The following RPS6KC1 variants were observed in gnomAD, a reference collection of about 807,000 sequenced individuals.
RPS6KC1 encodes the protein inactive ribosomal protein S6 kinase delta-1.
A neutral mutation model predicts 103.8 loss-of-function variants in RPS6KC1; 54 were observed. That is an observed-to-expected ratio of 0.52 (90% CI 0.42 to 0.65). The LOEUF (loss-of-function observed/expected upper bound fraction) is 0.65, where lower values mean the gene tolerates loss of function less well. Ranked by LOEUF, RPS6KC1 falls within the 30% of genes least tolerant of loss-of-function variation. The probability of loss-of-function intolerance (pLI) is 0.00; values close to 1 mark genes in which losing one functional copy is unlikely to be tolerated. For missense variants in RPS6KC1, 1,151 were observed against 1,253.8 expected, an observed-to-expected ratio of 0.92 and a Z score of 1.24; for synonymous variants, 439 against 438.7, an observed-to-expected ratio of 1.00 and a Z score of -0.01.
chr1:213,824,875 T>A, the RPS6KC1 span, among the ~76,000 whole-genome samples: 2 of 152,204 alleles, frequency 1.3e-5, no homozygotes, highest in Non-Finnish European at 2.9e-5. Flanking sequence ...AACTAATACA[T>A]GCATTGATGC....
the RPS6KC1 span, among the ~76,000 whole-genome samples, chr1:213,771,321 G>A: frequency 6.6e-6 from 1 of 152,164 alleles, no homozygotes; most frequent in Non-Finnish European, 1.5e-5. Context: ...AAAGAGGGGA[G>A]GGGGTGGTTA....
chr1:213,550,959 T>C, the RPS6KC1 span, among the ~76,000 whole-genome samples: 1 of 152,200 alleles, frequency 6.6e-6, no homozygotes, highest in Non-Finnish European at 1.5e-5. Flanking sequence ...GAGCTCTGCC[T>C]AAGTGCACCA....
chr1:213,332,836 A>G, the RPS6KC1 span, among the ~76,000 whole-genome samples: 8 of 152,196 alleles, frequency 5.3e-5, no homozygotes, highest in Non-Finnish European at 1.0e-4. Context: ...ACTGATGCAT[A>G]ACAGTTGACA....
the RPS6KC1 span, among the ~76,000 whole-genome samples, chr1:213,815,731 C>A: frequency 8.1e-4 from 123 of 152,326 alleles, no homozygotes; most frequent in African/African-American, 2.8e-3. Context: ...TAGCAAAAGG[C>A]TGTTTTGCTT....
chr1:213,265,305 T>C (rs1206775358), intron 14 of RPS6KC1, among the ~76,000 whole-genome samples: 1 of 152,178 alleles, frequency 6.6e-6, no homozygotes. Context: ...CTTGCAGATA[T>C]ATAGAGGAGT....
At chr1:213,599,640 G>A in the RPS6KC1 span, among the ~76,000 whole-genome samples, 6 of 152,138 alleles carry the variant, frequency 3.9e-5, no homozygotes, top group African/African-American at 7.2e-5. Context: ...CTTCAATCAC[G>A]GGAAAATCTG....
At chr1:213,198,793 C>T (rs2093047156) in intron 8 of RPS6KC1, among the ~76,000 whole-genome samples, 1 of 152,008 alleles carries the variant, frequency 6.6e-6, no homozygotes, top group African/African-American at 2.4e-5. Context: ...TATCTGCAAT[C>T]TCTTCTAGAA....
chr1:213,719,836 G>A, the RPS6KC1 span, among the ~76,000 whole-genome samples: 50 of 152,290 alleles, frequency 3.3e-4, 1 homozygote, highest in East Asian at 9.6e-3. Flanking sequence ...TTGGTGATAG[G>A]GAGGAGAGGG....
chr1:213,463,958 T>A, the RPS6KC1 span, among the ~76,000 whole-genome samples: 99 of 152,328 alleles, frequency 6.5e-4, no homozygotes, highest in African/African-American at 2.0e-3. Flanking sequence ...ATTTGGGAGA[T>A]GTCTACTGAG....
At chr1:213,599,616 CT>C in the RPS6KC1 span, among the ~76,000 whole-genome samples, 1 of 152,134 alleles carries the variant, frequency 6.6e-6, no homozygotes, top group Non-Finnish European at 1.5e-5. Flanking sequence ...TGTCTTTTGT[CT>C]TATTATTGCC....
At chr1:213,191,089 C>T (rs935586284) in intron 8 of RPS6KC1, among the ~76,000 whole-genome samples, 2 of 151,914 alleles carry the variant, frequency 1.3e-5, no homozygotes, top group African/African-American at 2.4e-5. Context: ...GTGTTTCTTC[C>T]AGTTTTGTTG....
At chr1:213,822,681 C>T in the RPS6KC1 span, among the ~76,000 whole-genome samples, 5 of 152,180 alleles carry the variant, frequency 3.3e-5, no homozygotes, top group African/African-American at 4.8e-5. Flanking sequence ...TAAGCACAAC[C>T]CCACTCCTCT....
chr1:213,363,628 T>C, the RPS6KC1 span, among the ~76,000 whole-genome samples: 2 of 30,796 alleles, frequency 6.5e-5, no homozygotes, highest in African/African-American at 1.7e-4. Flanking sequence ...CTTGCTTGCT[T>C]TCTTTCTTTC....
At chr1:213,699,954 T>G in the RPS6KC1 span, among the ~76,000 whole-genome samples, 1 of 152,160 alleles carries the variant, frequency 6.6e-6, no homozygotes, top group African/African-American at 2.4e-5. Flanking sequence ...TATTAATCTC[T>G]TGTCAGATGA....
chr1:213,799,623 A>G, the RPS6KC1 span, among the ~76,000 whole-genome samples: 1 of 152,224 alleles, frequency 6.6e-6, no homozygotes, highest in Non-Finnish European at 1.5e-5. Context: ...GGAATCCGCA[A>G]ATGACTCATG....
intron 8 of RPS6KC1, among the ~76,000 whole-genome samples, chr1:213,226,886 A>T (rs1421626580): frequency 1.3e-5 from 2 of 152,226 alleles, no homozygotes; most frequent in African/African-American, 2.4e-5. Flanking sequence ...CAATATTTCA[A>T]CTATGTATAT....
chr1:213,087,149 TAGATA>T (rs2080471752), intron 3 of RPS6KC1, among the ~76,000 whole-genome samples: 2 of 152,246 alleles, frequency 1.3e-5, no homozygotes, highest in Non-Finnish European at 2.9e-5. Flanking sequence ...GATCACTTGT[TAGATA>T]ACCCACCTTT....
chr1:213,605,518 A>T, the RPS6KC1 span, among the ~76,000 whole-genome samples: 1 of 151,950 alleles, frequency 6.6e-6, no homozygotes, highest in African/African-American at 2.4e-5. Context: ...GACTTAAACG[A>T]CCCCACTGAG....
At chr1:213,745,659 G>A in the RPS6KC1 span, among the ~76,000 whole-genome samples, 1 of 152,102 alleles carries the variant, frequency 6.6e-6, no homozygotes, top group Non-Finnish European at 1.5e-5. Flanking sequence ...GTGAGGCATG[G>A]ATGGAAGAGG....
Sources: allele counts gnomAD v4.1 joint callset (sites outside exome capture counted in the v4.1 genomes callset), GRCh38; gene constraint gnomAD v4.1.1; transcripts MANE v1.5; gene names NCBI Gene and HGNC (gene_info 2026-07-23, HGNC 2026-07-21).